The following CAMTA1 variants were observed in gnomAD, a reference collection of about 807,000 sequenced individuals.
The protein encoded by CAMTA1 is calmodulin-binding transcription activator 1.
A neutral mutation model predicts 170.9 loss-of-function variants in CAMTA1; 27 were observed. That is an observed-to-expected ratio of 0.16 (90% CI 0.12 to 0.22). The LOEUF (loss-of-function observed/expected upper bound fraction) is 0.22, where lower values mean the gene tolerates loss of function less well. Among genes scored for constraint, CAMTA1 ranks in the 10% least tolerant of loss-of-function variants. The pLI is 1.00. For synonymous variants in CAMTA1, 833 were observed against 891.5 expected, an observed-to-expected ratio of 0.93 and a Z score of 1.17; for missense variants, 1,619 against 2,217.2, an observed-to-expected ratio of 0.73 and a Z score of 5.42.
chr1:6,971,089 C>T lies in CAMTA1; in HGVS notation c.235-120215C>T, dbSNP rs1172466905. ...GGCTTGGCTTTCTGTCACCCAGCAG[C>T]CAGCTCCATTGTGGTCCTAGGAGTG... On this transcript the variant is annotated intron_variant, in intron 3 of 22. Transcript: ENST00000303635. This position sits in a 1 kb window ranked among gnomAD's most constrained non-coding sequence, Gnocchi z 4.6. 6.6e-6 allele frequency among the ~76,000 whole-genome samples: 1 copy of T among 152,184 alleles called. No individual in the cohort carries two copies. The highest frequency in any genetic ancestry group is 1.5e-5 in the Non-Finnish European group (1 of 68,038).
intron 5 of CAMTA1, among the ~76,000 whole-genome samples, chr1:7,291,006 AGT>A (rs1673056084): frequency 6.6e-6 from 1 of 152,112 alleles, no homozygotes; most frequent in Non-Finnish European, 1.5e-5. Context: ...TGCAGAGTGC[AGT>A]GTCTTTTGTG....
At chr1:7,526,382 AC>A (rs1438199026) in intron 6 of CAMTA1, among the ~76,000 whole-genome samples, 1 of 151,598 alleles carries the variant, frequency 6.6e-6, no homozygotes, top group African/African-American at 2.4e-5. Flanking sequence ...GCTACTGCAC[AC>A]CCCTGCCCCC....
At chr1:7,686,231 G>A (rs557292376) in intron 11 of CAMTA1, among the ~76,000 whole-genome samples, 1 of 152,316 alleles carries the variant, frequency 6.6e-6, no homozygotes, top group Admixed American at 6.5e-5. Context: ...AAGATGCAAA[G>A]GAAACTGTCA....
chr1:6,798,119 C>T (rs116098733), intron 1 of CAMTA1, among the ~76,000 whole-genome samples: 1 of 151,812 alleles, frequency 6.6e-6, no homozygotes, highest in Non-Finnish European at 1.5e-5. Context: ...GCCTCGCCCC[C>T]CAAGTAGCTA....
chr1:7,677,880 C>T, intron 11 of CAMTA1, 147 bp downstream of exon 11: 2 of 894,808 alleles, frequency 2.2e-6, no homozygotes, highest in Non-Finnish European at 3.3e-6. Flanking sequence ...ACTGGGTCTC[C>T]ACCGCCAGGC....
intron 11 of CAMTA1, among the ~76,000 whole-genome samples, chr1:7,683,709 G>A (rs927571344): frequency 6.6e-6 from 1 of 152,222 alleles, no homozygotes; most frequent in Non-Finnish European, 1.5e-5. Context: ...CAGGAGTCAC[G>A]TCCTCTCCGA....
chr1:6,987,349 G>C (rs1695534755), intron 3 of CAMTA1, among the ~76,000 whole-genome samples: 1 of 152,186 alleles, frequency 6.6e-6, no homozygotes, highest in Non-Finnish European at 1.5e-5. Context: ...ATTTTTAGTA[G>C]AGACGGAGTT....
At chr1:6,997,894 G>C (rs1488943363) in intron 3 of CAMTA1, among the ~76,000 whole-genome samples, 1 of 151,908 alleles carries the variant, frequency 6.6e-6, no homozygotes, top group Non-Finnish European at 1.5e-5. Context: ...CCTGACCTCA[G>C]GTGATCCGCC....
chr1:7,152,637 G>A (rs529842502), intron 4 of CAMTA1, among the ~76,000 whole-genome samples: 10 of 152,294 alleles, frequency 6.6e-5, no homozygotes, highest in South Asian at 4.1e-4. Context: ...GGGAGGGTGC[G>A]CATTGCTCGA....
intron 6 of CAMTA1, among the ~76,000 whole-genome samples, chr1:7,489,330 T>C (rs939645527): frequency 1.3e-5 from 2 of 152,316 alleles, no homozygotes; most frequent in Non-Finnish European, 2.9e-5. Flanking sequence ...CAAGAGATCT[T>C]TCGAGGGTCT....
intron 22 of CAMTA1, among the ~76,000 whole-genome samples, chr1:7,757,952 C>G (rs898889322): frequency 6.6e-6 from 1 of 152,014 alleles, no homozygotes; most frequent in Non-Finnish European, 1.5e-5. Flanking sequence ...AGAGCTGGCT[C>G]GGAGACGTTT....
At chr1:7,480,324 T>TGAGA (rs563659287) in intron 6 of CAMTA1, among the ~76,000 whole-genome samples, 6 of 149,830 alleles carry the variant, frequency 4.0e-5, no homozygotes, top group Admixed American at 2.6e-4. Context: ...AGTGTGTGTG[T>TGAGA]GTATGAGTGC....
intron 3 of CAMTA1, among the ~76,000 whole-genome samples, chr1:6,827,755 C>G (rs571583470): frequency 6.6e-6 from 1 of 152,238 alleles, no homozygotes; most frequent in South Asian, 2.1e-4. Context: ...CATATTTAGT[C>G]AAAATTGCCC....
intron 3 of CAMTA1, among the ~76,000 whole-genome samples, chr1:6,856,222 A>G (rs1213110143): frequency 1.3e-5 from 2 of 151,140 alleles, no homozygotes; most frequent in Non-Finnish European, 2.9e-5. Flanking sequence ...CAATTAACAC[A>G]ATGTAGAGCA....
chr1:7,629,295 G>A (rs182416834), intron 6 of CAMTA1, among the ~76,000 whole-genome samples: 36 of 152,256 alleles, frequency 2.4e-4, no homozygotes, highest in African/African-American at 7.9e-4. Context: ...ACCCTGGTGG[G>A]GGCACCGGCC....
At chr1:7,660,187 G>GC (rs1157486612) in intron 7 of CAMTA1, among the ~76,000 whole-genome samples, 3 of 152,180 alleles carry the variant, frequency 2.0e-5, no homozygotes, top group Non-Finnish European at 2.9e-5. Flanking sequence ...TTTTGCCTCA[G>GC]CCCCCCAGGT....
In CAMTA1 at chr1:7,432,510, G is replaced by A. The variant is rs2092207465; in HGVS notation, c.439-35320G>A. ...TCTATGCAGCAGAAGACAAGTGAGA[G>A]GTGGCTGCGTGGCATGAGAAGTCAG... On this transcript the variant is annotated intron_variant, in intron 5 of 22. Coordinates refer to ENST00000303635, the MANE Select transcript of CAMTA1 (RefSeq NM_015215.4). Among the ~76,000 whole-genome samples, 2 of 152,230 alleles carry A rather than the reference G, an allele frequency of 1.3e-5. 1 individual carries two copies. Among genetic ancestry groups the A allele is most frequent in the South Asian group, 4.1e-4 (2 of 4,834 alleles).
intron 3 of CAMTA1, among the ~76,000 whole-genome samples, chr1:6,895,131 G>A (rs1328121440): frequency 6.6e-6 from 1 of 152,160 alleles, no homozygotes; most frequent in Non-Finnish European, 1.5e-5. Context: ...GTGTCTGTCC[G>A]GACAGGGTGC....
intron 5 of CAMTA1, among the ~76,000 whole-genome samples, chr1:7,357,605 C>T (rs539238983): frequency 6.6e-6 from 1 of 152,296 alleles, no homozygotes; most frequent in Admixed American, 6.5e-5. Flanking sequence ...GCTGGCCCCT[C>T]TAAGCTATCC....
Sources: gnomAD v4.1 joint callset for allele counts (sites outside exome capture counted in the v4.1 genomes callset) on GRCh38, gnomAD v4.1.1 for gene constraint, Gnocchi (gnomAD v3.1) non-coding constraint, MANE v1.5 for transcripts, NCBI Gene and HGNC (gene_info 2026-07-23, HGNC 2026-07-21) for gene names.